The following PCCA variants were observed in gnomAD, a reference collection of about 807,000 sequenced individuals.
PCCA encodes propionyl-CoA carboxylase subunit alpha.
In PCCA, 74 loss-of-function variants were observed where a neutral mutation model predicts 101.3. The ratio of observed to expected loss-of-function variants is 0.73; its 90% CI spans 0.61 to 0.89. PCCA has a LOEUF of 0.89. PCCA is among the 40% of genes least tolerant of loss of function. The pLI is 0.00. For synonymous variants in PCCA, 294 were observed against 313.6 expected (o/e 0.94, Z 0.66); for missense variants, 891 against 907.0 (o/e 0.98, Z 0.23).
At chr13:100,105,844 C>CAAAAAAAAAAAAAAAAAAA (rs71114671) in intron 2 of PCCA, among the ~76,000 whole-genome samples, 2 of 62,506 alleles carry the variant, frequency 3.2e-5, no homozygotes, top group Non-Finnish European at 5.5e-5. Context: ...GATCCTGTCT[C>CAAAAAAAAAAAAAAAAAAA]AAAAAAAAAA....
intron 4 of PCCA, among the ~76,000 whole-genome samples, chr13:100,127,631 G>A (rs1300796849): frequency 6.6e-6 from 1 of 152,112 alleles, no homozygotes; most frequent in Non-Finnish European, 1.5e-5. Context: ...GGTGGCTCAC[G>A]CCCGTAATCC....
chr13:100,329,995 T>C (rs561336407), intron 16 of PCCA, among the ~76,000 whole-genome samples: 2 of 152,300 alleles, frequency 1.3e-5, no homozygotes, highest in South Asian at 4.1e-4. Context: ...ACATAACCAA[T>C]GCTTAAAATT....
chr13:100,226,995 C>T (rs1594815180), intron 7 of PCCA, among the ~76,000 whole-genome samples: 1 of 152,330 alleles, frequency 6.6e-6, no homozygotes, highest in East Asian at 1.9e-4. Flanking sequence ...AGCCTTCTGG[C>T]ATAGCGCCTG....
intron 21 of PCCA, among the ~76,000 whole-genome samples, chr13:100,512,461 G>C (rs1374023968): frequency 6.6e-6 from 1 of 152,178 alleles, no homozygotes; most frequent in African/African-American, 2.4e-5. Flanking sequence ...TCACTTACGT[G>C]GTGAGCTGTT....
intron 2 of PCCA, among the ~76,000 whole-genome samples, chr13:100,104,160 C>T (rs1049450716): frequency 1.3e-5 from 2 of 152,154 alleles, no homozygotes; most frequent in African/African-American, 4.8e-5. Context: ...CAAAATACAA[C>T]TGACAGGAAT....
chr13:100,136,012 T>A (rs933603728), intron 4 of PCCA, among the ~76,000 whole-genome samples: 1 of 152,134 alleles, frequency 6.6e-6, no homozygotes, highest in Non-Finnish European at 1.5e-5. Context: ...GTTTTTTATA[T>A]ATTGCTGGAT....
intron 4 of PCCA, among the ~76,000 whole-genome samples, chr13:100,133,736 T>A (rs775810283): frequency 6.6e-6 from 1 of 152,052 alleles, no homozygotes; most frequent in Non-Finnish European, 1.5e-5. Context: ...CCAAAGGAGG[T>A]TGACATTTGA....
At chr13:100,283,893 AG>A (rs2064346732) in intron 12 of PCCA, among the ~76,000 whole-genome samples, 1 of 152,228 alleles carries the variant, frequency 6.6e-6, no homozygotes, top group African/African-American at 2.4e-5. Flanking sequence ...CACTATGCCG[AG>A]GCAATCACTG....
intron 8 of PCCA, among the ~76,000 whole-genome samples, chr13:100,237,779 G>C (rs2060887808): frequency 6.6e-6 from 1 of 151,690 alleles, no homozygotes. Flanking sequence ...AGAAATTTAG[G>C]GAAATAAAGG....
At chr13:100,197,753 T>G (rs1171177398) in intron 6 of PCCA, among the ~76,000 whole-genome samples, 2 of 152,168 alleles carry the variant, frequency 1.3e-5, no homozygotes, top group Non-Finnish European at 2.9e-5. Flanking sequence ...TTGTTTAAAG[T>G]ACACTGAGTT....
intron 6 of PCCA, among the ~76,000 whole-genome samples, chr13:100,203,521 C>G (rs936062500): frequency 6.6e-6 from 1 of 151,824 alleles, no homozygotes; most frequent in African/African-American, 2.4e-5. Context: ...GAAACCCTGT[C>G]TCTACTAAAA....
chr13:100,177,960 T>C (rs1047310751), intron 6 of PCCA, among the ~76,000 whole-genome samples: 4 of 152,184 alleles, frequency 2.6e-5, no homozygotes, highest in African/African-American at 9.7e-5. Flanking sequence ...TTCCCTGTTA[T>C]AACAGTTCTA....
intron 6 of PCCA, among the ~76,000 whole-genome samples, chr13:100,207,824 C>G (rs2058955728): frequency 6.6e-6 from 1 of 151,892 alleles, no homozygotes. Flanking sequence ...TCGAGATCAT[C>G]CTGGCCAATA....
chr13:100,096,108 C>T (rs574743956), intron 1 of PCCA, among the ~76,000 whole-genome samples: 68 of 152,234 alleles, frequency 4.5e-4, no homozygotes, highest in African/African-American at 1.6e-3. Flanking sequence ...ACAGATGTAC[C>T]TCATATCTTG....
intron 4 of PCCA, among the ~76,000 whole-genome samples, chr13:100,114,421 G>A (rs1278213340): frequency 6.6e-6 from 1 of 152,078 alleles, no homozygotes; most frequent in Non-Finnish European, 1.5e-5. Context: ...TGGCTAAGAT[G>A]GTGAAACCCT....
chr13:100,123,498 A>G (rs2049635551), intron 4 of PCCA, among the ~76,000 whole-genome samples: 1 of 152,224 alleles, frequency 6.6e-6, no homozygotes, highest in Admixed American at 6.5e-5. Context: ...AAATGATAAA[A>G]CACTGTATGA....
chr13:100,422,119 T>TTTCTTTTC (rs1226787642), intron 19 of PCCA, among the ~76,000 whole-genome samples: 20 of 82,160 alleles, frequency 2.4e-4, no homozygotes, highest in Non-Finnish European at 4.7e-4. Flanking sequence ...TCTTTCTTTC[T>TTTCTTTTC]TTTCTTTCTT....
chr13:100,364,492 A>T (rs116613350), intron 18 of PCCA, among the ~76,000 whole-genome samples: 3,314 of 152,268 alleles, frequency 0.022, 121 homozygotes, highest in African/African-American at 0.073. Context: ...TGTATTTTTT[A>T]AAATTTATAG....
chr13:100,127,719 C>T (rs1483981987), intron 4 of PCCA, among the ~76,000 whole-genome samples: 4 of 151,496 alleles, frequency 2.6e-5, no homozygotes, highest in Admixed American at 2.0e-4. Context: ...AGTGAAACCC[C>T]GTCTCTACTA....
Sources: allele counts gnomAD v4.1 joint callset (sites outside exome capture counted in the v4.1 genomes callset), GRCh38; gene constraint gnomAD v4.1.1; transcripts MANE v1.5; gene names NCBI Gene and HGNC (gene_info 2026-07-23, HGNC 2026-07-21).